Variants in SNX3 observed in about 807,000 individuals in gnomAD.
The protein encoded by SNX3 is sorting nexin 3, also known as sorting nexin-3.
SNX3 carries 5 observed loss-of-function variants against 17.7 expected under a neutral mutation model. That is an observed-to-expected ratio of 0.28 (90% CI 0.15 to 0.59). The LOEUF (loss-of-function observed/expected upper bound fraction) is 0.59. SNX3 is among the 20% of genes least tolerant of loss of function. SNX3 has a pLI of 0.88. For synonymous variants in SNX3, 91 were observed against 76.5 expected, an observed-to-expected ratio of 1.19 and a Z score of -0.99; for missense variants, 132 against 206.8, an observed-to-expected ratio of 0.64 and a Z score of 2.22.
Position 108,223,058 on chromosome 6 carries a change from A to C in SNX3, c.163-13T>G, listed in dbSNP as rs768600331. On this transcript the variant is annotated splice_polypyrimidine_tract_variant and intron_variant, in intron 1 of 3. Transcript: ENST00000230085. ...TAGGAAGATTTGTCTGAAACAAAAAAAGTTAGTCCTAAATTGAAGCACATT... is the reference window on the plus strand; with the variant it reads ...TAGGAAGATTTGTCTGAAACAAAAACAGTTAGTCCTAAATTGAAGCACATT... 1.3e-5 allele frequency: 19 copies of C among 1,487,530 alleles called. No homozygotes were observed. The highest frequency in any genetic ancestry group is 1.8e-5 in the Non-Finnish European group (19 of 1,071,350). The allele number at this position is 1,487,530 out of a possible 1,614,324, so 92.1% of individuals were successfully genotyped here.
chr6:108,217,804 T>A (rs968470385), intron 2 of SNX3, among the ~76,000 whole-genome samples: 14 of 150,948 alleles, frequency 9.3e-5, no homozygotes, highest in African/African-American at 3.4e-4. Flanking sequence ...TGCAAAGATA[T>A]GTGCGTGCAT....
chr6:108,231,937 T>C (rs190273467), intron 1 of SNX3, among the ~76,000 whole-genome samples: 2 of 152,354 alleles, frequency 1.3e-5, no homozygotes, highest in Admixed American at 6.5e-5. Context: ...ATAAACAGAA[T>C]TAAACAAGGG....
rs774682097 is a variant in SNX3, at chr6:108,260,930, A to AGCTGCT, written c.-15_-10dup. The AGCTGCT allele has an allele frequency of 6.4e-7, 1 of 1,565,018 alleles. No individual in the cohort carries two copies. Among genetic ancestry groups the AGCTGCT allele is most frequent in the East Asian group, 2.5e-5 (1 of 39,648 alleles). ...GCCACGGTCTCCGCCATTTCGCTGT[A>AGCTGCT]GCTGCTGCCGCCGCCGCGGGCTCCC... is the stretch of plus-strand genomic sequence containing the variant. On this transcript the variant is annotated 5_prime_UTR_variant, in exon 1 of 4. Coordinates refer to ENST00000230085, the MANE Select transcript of SNX3 (RefSeq NM_003795.6).
intron 1 of SNX3, among the ~76,000 whole-genome samples, chr6:108,236,604 G>A (rs1186633772): frequency 6.6e-6 from 1 of 151,438 alleles, no homozygotes; most frequent in Non-Finnish European, 1.5e-5. Flanking sequence ...TAGCCGGGAT[G>A]GTCTCGATCT....
chr6:108,217,640 C>CTTT (rs1387892340), intron 2 of SNX3, among the ~76,000 whole-genome samples: 3 of 151,528 alleles, frequency 2.0e-5, no homozygotes, highest in Non-Finnish European at 4.4e-5. Context: ...CTTGTAACCC[C>CTTT]TTTACTCAGG....
intron 1 of SNX3, among the ~76,000 whole-genome samples, chr6:108,226,010 C>T (rs1319041076): frequency 7.2e-6 from 1 of 138,622 alleles, no homozygotes; most frequent in African/African-American, 2.7e-5. Context: ...TGCACCACTG[C>T]ACTCCAGCAT....
intron 2 of SNX3, among the ~76,000 whole-genome samples, chr6:108,218,293 C>T (rs930466801): frequency 4.6e-5 from 7 of 152,128 alleles, no homozygotes; most frequent in Non-Finnish European, 8.8e-5. Flanking sequence ...AGAAAATCAA[C>T]ATTAGTGGCC....
intron 1 of SNX3, among the ~76,000 whole-genome samples, chr6:108,247,307 A>C (rs188043072): frequency 1.3e-5 from 2 of 152,240 alleles, no homozygotes; most frequent in Admixed American, 1.3e-4. Flanking sequence ...AAAATGGAGT[A>C]AGACAGGAGG....
rs576587328 is a variant in SNX3, at chr6:108,240,465, C to T, written c.163-17420G>A. ...AAATCCTGACCTCAGGTGATCCACA[C>T]GCCCTGGCCTCCCAAAGTGTTGGGA... On this transcript the variant is annotated intron_variant, in intron 1 of 3. Coordinates refer to ENST00000230085, the MANE Select transcript of SNX3 (RefSeq NM_003795.6). Among the ~76,000 whole-genome samples, 13 of 152,298 alleles carry T rather than the reference C, an allele frequency of 8.5e-5. 1 individual carries two copies. The South Asian group carries it at 1.4e-3, about 17-fold the overall frequency.
intron 1 of SNX3, among the ~76,000 whole-genome samples, chr6:108,250,596 T>C (rs1562439840): frequency 6.6e-6 from 1 of 152,110 alleles, no homozygotes; most frequent in South Asian, 2.1e-4. Flanking sequence ...TCTCTACTTG[T>C]TTCCACTTGA....
chr6:108,222,335 A>G (rs923401418), intron 2 of SNX3: 14 of 1,303,922 alleles, frequency 1.1e-5, no homozygotes, highest in Non-Finnish European at 1.4e-5. Context: ...AATGAGAGAC[A>G]CCAGAGTGAG....
At chr6:108,214,945 T>C (rs1774519659) in intron 2 of SNX3, among the ~76,000 whole-genome samples, 1 of 152,246 alleles carries the variant, frequency 6.6e-6, no homozygotes, top group Non-Finnish European at 1.5e-5. Flanking sequence ...ACACTTGTGA[T>C]GCCACTTGGA....
intron 2 of SNX3, among the ~76,000 whole-genome samples, chr6:108,216,861 T>G (rs963605302): frequency 3.3e-5 from 5 of 152,188 alleles, no homozygotes; most frequent in Admixed American, 6.5e-5. Flanking sequence ...TTTACTCTCC[T>G]CAGATGACCA....
At chr6:108,255,202 A>C (rs1775994547) in intron 1 of SNX3, among the ~76,000 whole-genome samples, 1 of 152,240 alleles carries the variant, frequency 6.6e-6, no homozygotes, top group African/African-American at 2.4e-5. Context: ...CACTGCTAAT[A>C]GCATGCTTCT....
At chr6:108,233,797 A>T (rs1241807291) in intron 1 of SNX3, among the ~76,000 whole-genome samples, 1 of 152,198 alleles carries the variant, frequency 6.6e-6, no homozygotes, top group Admixed American at 6.5e-5. Context: ...GAATTTGTAC[A>T]ATCACCAAGT....
chr6:108,230,143 G>T (rs994343938), intron 1 of SNX3, among the ~76,000 whole-genome samples: 1 of 151,794 alleles, frequency 6.6e-6, no homozygotes, highest in South Asian at 2.1e-4. Flanking sequence ...GATTTACCCA[G>T]AAAGAATGCT....
chr6:108,246,755 T>C (rs993330617), intron 1 of SNX3, among the ~76,000 whole-genome samples: 1 of 152,092 alleles, frequency 6.6e-6, no homozygotes, highest in African/African-American at 2.4e-5. Context: ...TTGTCCAGGC[T>C]GGAGTGCAGG....
At position 108,212,200 on chromosome 6, in the gene SNX3, T is replaced by C. The variant is rs1582463060; in HGVS notation, c.438A>G (p.Gln146=). 6.2e-7 allele frequency: 1 copy of C among 1,611,176 alleles called. No individual in the cohort carries two copies. The highest frequency in any genetic ancestry group is 2.2e-5 in the East Asian group (1 of 44,856). Residue 146 remains glutamine (Q), a synonymous_variant, in exon 4 of 4, where the codon CAA becomes CAG. Coordinates refer to ENST00000230085, the MANE Select transcript of SNX3 (RefSeq NM_003795.6). ...TATAGCTTTTATCTATTATTTCATCTTGTAAAAACATGTGAAGACAACGTT... is the reference window on the plus strand; with the variant it reads ...TATAGCTTTTATCTATTATTTCATCCTGTAAAAACATGTGAAGACAACGTT... ...QNERCLHMFL[Q]DEIIDKSYTP... is the part of the protein sequence containing the mutation.
intron 1 of SNX3, among the ~76,000 whole-genome samples, chr6:108,250,768 A>G (rs1303102206): frequency 6.6e-6 from 1 of 152,248 alleles, no homozygotes; most frequent in Non-Finnish European, 1.5e-5. Flanking sequence ...CAAACAAGCT[A>G]TAGGTGGCAG....
Sources: allele counts gnomAD v4.1 joint callset (sites outside exome capture counted in the v4.1 genomes callset), GRCh38; gene constraint gnomAD v4.1.1; transcripts MANE v1.5; gene names NCBI Gene and HGNC (gene_info 2026-07-23, HGNC 2026-07-21).